ZDHHC14: variants seen among roughly 807,000 people sequenced by gnomAD.
ZDHHC14 encodes the protein palmitoyltransferase ZDHHC14.
In ZDHHC14, 16 loss-of-function variants were observed where a neutral mutation model predicts 47.7. That is an observed-to-expected ratio of 0.34 (90% CI 0.23 to 0.51). The LOEUF is 0.51. Among genes scored for constraint, ZDHHC14 ranks in the 20% least tolerant of loss-of-function variants. The pLI, the probability that ZDHHC14 is intolerant of heterozygous loss-of-function variation, is 0.97. For missense variants in ZDHHC14, 515 were observed against 662.5 expected, an observed-to-expected ratio of 0.78 and a Z score of 2.44; for synonymous variants, 293 against 278.9, an observed-to-expected ratio of 1.05 and a Z score of -0.50.
chr6:157,424,801 T>C (rs191020211), intron 1 of ZDHHC14, among the ~76,000 whole-genome samples: 38 of 152,240 alleles, frequency 2.5e-4, no homozygotes, highest in African/African-American at 8.7e-4. Flanking sequence ...TGGGAATTTC[T>C]CCATAGAAAT....
chr6:157,463,727 A>G lies in ZDHHC14; in HGVS notation c.246-78858A>G, dbSNP rs766488434. On this transcript the variant is annotated intron_variant, in intron 1 of 8. Coordinates refer to ENST00000359775, the MANE Select transcript of ZDHHC14 (RefSeq NM_024630.3). The surrounding 1 kb of genome is among the most constrained non-coding windows in gnomAD (Gnocchi z 4.4). The stretch of plus-strand genomic sequence containing the variant: ...CCCCGCTTTACCTTTCATTAGTCAG[A>G]TCTGAAAATTAACACCAGCCGGCAC... 4.6e-5 allele frequency among the ~76,000 whole-genome samples: 7 copies of G among 152,206 alleles called. No homozygotes were observed. Among genetic ancestry groups the G allele is most frequent in the Non-Finnish European group, 8.8e-5 (6 of 68,032 alleles).
chr6:157,614,793 CAG>C (rs1165093784), intron 3 of ZDHHC14, among the ~76,000 whole-genome samples: 15 of 149,848 alleles, frequency 1.0e-4, no homozygotes. Context: ...TTTTTTGAGA[CAG>C]AGTCTCACTG....
In ZDHHC14 at chr6:157,671,009, C is replaced by T. The variant is rs149952351; in HGVS notation, c.1069-1715C>T. Among the ~76,000 whole-genome samples, 598 of 152,222 alleles carry T rather than the reference C, an allele frequency of 3.9e-3. 4 individuals are homozygous for T. The highest frequency in any genetic ancestry group is 0.014 in the African/African-American group (565 of 41,522). On this transcript the variant is annotated intron_variant, in intron 8 of 8. Coordinates refer to ENST00000359775, the MANE Select transcript of ZDHHC14 (RefSeq NM_024630.3). ...CAGCTTTGGGTGAACTTCCTCCCTC[C>T]CCTCAAGGCTGCGTTGTGCATGTTG...
chr6:157,406,429 G>A (rs1401212239), intron 1 of ZDHHC14, among the ~76,000 whole-genome samples: 1 of 152,224 alleles, frequency 6.6e-6, no homozygotes, highest in Non-Finnish European at 1.5e-5. Context: ...GGTTGAATAT[G>A]ATTGCAGAAA....
At chr6:157,489,719 G>T (rs1260094924) in intron 1 of ZDHHC14, among the ~76,000 whole-genome samples, 2 of 152,198 alleles carry the variant, frequency 1.3e-5, no homozygotes, top group Admixed American at 6.5e-5. Flanking sequence ...TTACAGCAGT[G>T]GGGAGGGGAG....
intron 1 of ZDHHC14, among the ~76,000 whole-genome samples, chr6:157,454,769 A>C (rs1778875906): frequency 6.6e-6 from 1 of 152,176 alleles, no homozygotes; most frequent in Non-Finnish European, 1.5e-5. Flanking sequence ...GAAAATTTTG[A>C]TAGTTTCTGC....
intron 2 of ZDHHC14, among the ~76,000 whole-genome samples, chr6:157,573,876 G>A (rs1028581174): frequency 6.6e-6 from 1 of 152,064 alleles, no homozygotes; most frequent in Non-Finnish European, 1.5e-5. Flanking sequence ...CCGTGCCCAT[G>A]GGCCTTGGTG....
chr6:157,649,647 G>A (rs1777726824), intron 7 of ZDHHC14, among the ~76,000 whole-genome samples: 1 of 152,200 alleles, frequency 6.6e-6, no homozygotes, highest in South Asian at 2.1e-4. Context: ...ATGGTGCTGT[G>A]CCATGCAAAT....
In ZDHHC14 at chr6:157,632,826, T is replaced by C; in HGVS notation, c.704-8T>C. ...TCTGAATACTAAATGTTGGTTTCAT[T>C]CCCACAGGTTCACAGCAAACAGGAT... On this transcript the variant is annotated splice_region_variant and splice_polypyrimidine_tract_variant and intron_variant, in intron 4 of 8. Transcript: ENST00000359775. The C allele has an allele frequency of 1.2e-6, 2 of 1,614,180 alleles. No homozygotes were observed. The highest frequency in any genetic ancestry group is 1.7e-6 in the Non-Finnish European group (2 of 1,179,994).
chr6:157,635,745 C>T (rs1405492334), intron 5 of ZDHHC14, among the ~76,000 whole-genome samples: 4 of 152,136 alleles, frequency 2.6e-5, no homozygotes, highest in South Asian at 2.1e-4. Flanking sequence ...AGGAAGCAAG[C>T]GTGGCAGTAG....
At chr6:157,403,454 A>T (rs1310531556) in intron 1 of ZDHHC14, among the ~76,000 whole-genome samples, 1 of 152,070 alleles carries the variant, frequency 6.6e-6, no homozygotes, top group Non-Finnish European at 1.5e-5. Flanking sequence ...GGGAAAGGGG[A>T]AGGCTGCCAG....
chr6:157,599,297 A>C (rs1050184900), intron 3 of ZDHHC14, among the ~76,000 whole-genome samples: 4 of 152,246 alleles, frequency 2.6e-5, no homozygotes, highest in African/African-American at 9.6e-5. Context: ...GGCCAGTTGC[A>C]TCTGCAGCAG....
chr6:157,490,167 C>T (rs1779879756), intron 1 of ZDHHC14, among the ~76,000 whole-genome samples: 1 of 152,112 alleles, frequency 6.6e-6, no homozygotes, highest in Non-Finnish European at 1.5e-5. Flanking sequence ...GAGGGGGGAA[C>T]AGGTCTTTTA....
intron 1 of ZDHHC14, among the ~76,000 whole-genome samples, chr6:157,400,388 A>G (rs1190624856): frequency 2.6e-5 from 4 of 152,194 alleles, no homozygotes; most frequent in African/African-American, 9.6e-5. Flanking sequence ...CTGTACCTCC[A>G]AACAGTGCCC....
intron 1 of ZDHHC14, among the ~76,000 whole-genome samples, chr6:157,511,348 G>A (rs1029442419): frequency 9.2e-5 from 14 of 151,944 alleles, no homozygotes; most frequent in Admixed American, 8.5e-4. Context: ...AGTGGAGCGT[G>A]GAGTGGGGTA....
intron 2 of ZDHHC14, among the ~76,000 whole-genome samples, chr6:157,571,349 C>A (rs1783089917): frequency 6.6e-6 from 1 of 152,194 alleles, no homozygotes; most frequent in Non-Finnish European, 1.5e-5. Context: ...AGGCAAGGGA[C>A]AGACATGTTG....
chr6:157,498,911 A>C (rs1583711937), intron 1 of ZDHHC14, among the ~76,000 whole-genome samples: 1 of 152,174 alleles, frequency 6.6e-6, no homozygotes, highest in Non-Finnish European at 1.5e-5. Context: ...GTTATGCTGG[A>C]ACAGCTGAGC....
intron 1 of ZDHHC14, among the ~76,000 whole-genome samples, chr6:157,505,935 C>T (rs901933392): frequency 2.6e-5 from 4 of 152,200 alleles, no homozygotes; most frequent in East Asian, 1.9e-4. Flanking sequence ...AAATGCAGCT[C>T]GGTCAATGAG....
intron 1 of ZDHHC14, among the ~76,000 whole-genome samples, chr6:157,539,916 A>G (rs1161517020): frequency 2.6e-5 from 4 of 152,032 alleles, no homozygotes; most frequent in African/African-American, 9.7e-5. Flanking sequence ...AGGACTTCCT[A>G]TTACCTTCAT....
Sources: allele counts gnomAD v4.1 joint callset (sites outside exome capture counted in the v4.1 genomes callset), GRCh38; gene constraint gnomAD v4.1.1; non-coding constraint Gnocchi (gnomAD v3.1); transcripts MANE v1.5; gene names NCBI Gene and HGNC (gene_info 2026-07-23, HGNC 2026-07-21).